The following NRG4 variants were observed in gnomAD, a reference collection of about 807,000 sequenced individuals.
NRG4 encodes pro-neuregulin-4, membrane-bound isoform.
In NRG4, 10 loss-of-function variants were observed where a neutral mutation model predicts 15.0. That is an observed-to-expected ratio of 0.67 (90% CI 0.41 to 1.13). The LOEUF (loss-of-function observed/expected upper bound fraction) is 1.13. NRG4 is among the 50% of genes most tolerant of loss of function. The pLI is 0.00. For missense variants in NRG4, 139 were observed against 140.2 expected (o/e 0.99, Z 0.04); for synonymous variants, 41 against 50.1 (o/e 0.82, Z 0.77).
At chr15:76,041,169 C>T (rs894883190) in intron 4 of NRG4, among the ~76,000 whole-genome samples, 3 of 151,120 alleles carry the variant, frequency 2.0e-5, no homozygotes, top group East Asian at 1.9e-4. Context: ...AACAGATACA[C>T]AAAAAATAAA....
intron 5 of NRG4, among the ~76,000 whole-genome samples, chr15:76,019,291 G>T (rs118058270): frequency 0.018 from 2,720 of 152,234 alleles, 79 homozygotes; most frequent in East Asian, 0.15. Flanking sequence ...GATCTGCTGA[G>T]CTAGACAGCT....
At chr15:76,025,675 A>G (rs535993340) in intron 5 of NRG4, among the ~76,000 whole-genome samples, 34 of 152,256 alleles carry the variant, frequency 2.2e-4, no homozygotes, top group African/African-American at 8.2e-4. Context: ...CAAAAGTTCA[A>G]GACCAGCCTG....
At chr15:75,964,564 A>G (rs1157994132) in intron 3 of NRG4, among the ~76,000 whole-genome samples, 2 of 152,228 alleles carry the variant, frequency 1.3e-5, no homozygotes, top group African/African-American at 4.8e-5. Context: ...ATTTTTGATA[A>G]GGAAGATCTC....
intron 2 of NRG4, among the ~76,000 whole-genome samples, chr15:76,054,780 AAAGT>A (rs1241784455): frequency 2.0e-5 from 3 of 152,380 alleles, no homozygotes; most frequent in African/African-American, 4.8e-5. Context: ...AATAGAAAAT[AAAGT>A]AAGTATTATA....
At position 75,951,508 on chromosome 15, in the gene NRG4, C is replaced by G. The variant is rs1156773774; in HGVS notation, c.331+4424G>C. On this transcript the variant is annotated intron_variant, in intron 5 of 5. Coordinates refer to ENST00000394907, the MANE Select transcript of NRG4 (RefSeq NM_138573.4). Reference sequence around the variant, plus strand: ...TCTTTATTCATCCTTTTGCTTTTAACTTGTGTCTTTATACTTAATGTATAT... The same window carrying G: ...TCTTTATTCATCCTTTTGCTTTTAAGTTGTGTCTTTATACTTAATGTATAT... 2.0e-5 allele frequency among the ~76,000 whole-genome samples: 3 copies of G among 152,140 alleles called. No individual in the cohort carries two copies. In the East Asian group the frequency reaches 5.8e-4, roughly 29 times the overall value.
chr15:75,985,333 G>A (rs2033760054), intron 3 of NRG4, among the ~76,000 whole-genome samples: 1 of 152,184 alleles, frequency 6.6e-6, no homozygotes, highest in African/African-American at 2.4e-5. Flanking sequence ...TGAGGCACAA[G>A]CTTCGAAGAG....
At chr15:76,016,691 G>T (rs1567112524), upstream of NRG4, among the ~76,000 whole-genome samples, 1 of 152,160 alleles carries the variant, frequency 6.6e-6, no homozygotes. Flanking sequence ...ATTGCACTGT[G>T]GTTGGAGAGA....
intron 4 of NRG4, among the ~76,000 whole-genome samples, chr15:76,043,814 G>A (rs2035801959): frequency 6.6e-6 from 1 of 152,122 alleles, no homozygotes; most frequent in African/African-American, 2.4e-5. Flanking sequence ...AACCAGAAAA[G>A]ACCCAGAATA....
intron 5 of NRG4, among the ~76,000 whole-genome samples, chr15:75,952,570 C>A (rs201294246): frequency 7.3e-6 from 1 of 137,282 alleles, no homozygotes; most frequent in Non-Finnish European, 1.6e-5. Flanking sequence ...ATTTTTTTTT[C>A]TTTTTTTTCG....
At chr15:76,033,993 C>T (rs996777183) in intron 5 of NRG4, among the ~76,000 whole-genome samples, 2 of 152,164 alleles carry the variant, frequency 1.3e-5, no homozygotes, top group African/African-American at 4.8e-5. Context: ...CAGTCCTCAA[C>T]CCAACATGCA....
At position 75,944,419 on chromosome 15, in the gene NRG4, A is replaced by G. The variant is rs150836035; in HGVS notation, c.332-765T>C. On this transcript the variant is annotated intron_variant, in intron 5 of 5. Coordinates refer to ENST00000394907, the MANE Select transcript of NRG4 (RefSeq NM_138573.4). Reference sequence around the variant, plus strand: ...ATTATTGCAGTAGGGATGGTGTCTAACAACAATATAAATGCATGCTAAGAC... The same window carrying G: ...ATTATTGCAGTAGGGATGGTGTCTAGCAACAATATAAATGCATGCTAAGAC... 4.2e-3 allele frequency among the ~76,000 whole-genome samples: 646 copies of G among 152,266 alleles called. 12 individuals are homozygous for G. Among genetic ancestry groups the G allele is most frequent in the African/African-American group, 0.015 (611 of 41,548 alleles).
chr15:75,972,127 G>A (rs979572018), intron 3 of NRG4, among the ~76,000 whole-genome samples: 2 of 152,174 alleles, frequency 1.3e-5, no homozygotes, highest in Non-Finnish European at 2.9e-5. Context: ...CAGTGATGAT[G>A]AGCCTTTTTT....
intron 4 of NRG4, among the ~76,000 whole-genome samples, chr15:76,050,597 A>ATTTTTTT (rs35228253): frequency 2.1e-4 from 23 of 108,928 alleles, no homozygotes; most frequent in South Asian, 3.2e-4. Flanking sequence ...CGCTCGGCTA[A>ATTTTTTT]TTTTTTTTTT....
rs529505651 is a variant in NRG4, at chr15:76,008,934, T to G, written c.104+266A>C. On this transcript the variant is annotated intron_variant, in intron 3 of 5. Coordinates refer to ENST00000394907, the MANE Select transcript of NRG4 (RefSeq NM_138573.4). ...AAATTGCTAAAATCAAAGAGTTCAC[T>G]AAAAGGGATTATTTTTTAAAAATGT... Among the ~76,000 whole-genome samples the G allele has an allele frequency of 2.0e-5, 3 of 152,314 alleles. No homozygotes were observed. In the East Asian group the frequency reaches 5.8e-4, roughly 29 times the overall value.
chr15:76,026,148 CTT>C (rs2035310707), intron 5 of NRG4, among the ~76,000 whole-genome samples: 1 of 152,166 alleles, frequency 6.6e-6, no homozygotes, highest in African/African-American at 2.4e-5. Flanking sequence ...CAGCTGAAGA[CTT>C]TACAAGTTTT....
chr15:76,036,036 A>G (rs2035589527), intron 4 of NRG4: 2 of 152,226 alleles, frequency 1.3e-5, no homozygotes, highest in South Asian at 2.1e-4. Context: ...TGGTTTATGT[A>G]ACAGTTTTAT....
intron 4 of NRG4, among the ~76,000 whole-genome samples, chr15:76,050,925 C>T (rs1245712683): frequency 1.3e-5 from 2 of 150,138 alleles, no homozygotes; most frequent in African/African-American, 5.0e-5. Flanking sequence ...CCCACCTTAG[C>T]CTACCAAGTA....
At chr15:76,058,081 T>G (rs979449381) in intron 1 of NRG4, among the ~76,000 whole-genome samples, 1 of 152,054 alleles carries the variant, frequency 6.6e-6, no homozygotes, top group African/African-American at 2.4e-5. Context: ...TTAAGTAGAG[T>G]TCTACTAAGG....
chr15:76,021,166 C>G (rs2141927480), intron 5 of NRG4, among the ~76,000 whole-genome samples: 1 of 152,278 alleles, frequency 6.6e-6, no homozygotes, highest in Admixed American at 6.5e-5. Context: ...TATGCTAAAT[C>G]TACTCTGCCT....
Sources: gnomAD v4.1 joint callset for allele counts (sites outside exome capture counted in the v4.1 genomes callset) on GRCh38, gnomAD v4.1.1 for gene constraint, MANE v1.5 for transcripts, NCBI Gene and HGNC (gene_info 2026-07-23, HGNC 2026-07-21) for gene names.